Variants in AP1G1 observed in about 807,000 individuals in gnomAD.
AP1G1 encodes adaptor related protein complex 1 subunit gamma 1.
Under a neutral mutation model 108.3 loss-of-function variants are expected in AP1G1, and 7 were observed. The observed-to-expected ratio is 0.06, with a 90% CI of 0.04 to 0.12. AP1G1 has a LOEUF of 0.12. Among genes scored for constraint, AP1G1 ranks in the 10% least tolerant of loss-of-function variants. The pLI is 1.00. For synonymous variants in AP1G1, 379 were observed against 353.5 expected, an observed-to-expected ratio of 1.07 and a Z score of -0.81; for missense variants, 756 against 1,010.7, an observed-to-expected ratio of 0.75 and a Z score of 3.42.
intron 21 of AP1G1, among the ~76,000 whole-genome samples, chr16:71,736,438 T>G (rs1218965682): frequency 6.7e-6 from 1 of 150,026 alleles, no homozygotes; most frequent in Non-Finnish European, 1.5e-5. Flanking sequence ...TGGAGTGCAG[T>G]GGTGCGATCT....
chr16:71,734,740 A>C, intron 21 of AP1G1, 33 bp from the exon 22 acceptor site: 5 of 1,551,172 alleles, frequency 3.2e-6, no homozygotes, highest in Non-Finnish European at 4.5e-6. Context: ...CTTCAGAAAA[A>C]GAATTACACA....
At chr16:71,773,842 C>T (rs535476020) in intron 3 of AP1G1, among the ~76,000 whole-genome samples, 229 of 147,690 alleles carry the variant, frequency 1.6e-3, no homozygotes, top group Non-Finnish European at 2.1e-3. Flanking sequence ...ACTTGGGAGG[C>T]TGAGTAGCTA....
intron 2 of AP1G1, among the ~76,000 whole-genome samples, chr16:71,778,724 T>C (rs1158900127): frequency 1.3e-5 from 2 of 149,486 alleles, no homozygotes; most frequent in African/African-American, 4.9e-5. Context: ...AAGAATGTTA[T>C]CAAAGTTATC....
At chr16:71,797,326 C>T (rs1358733542) in intron 1 of AP1G1, among the ~76,000 whole-genome samples, 1 of 151,940 alleles carries the variant, frequency 6.6e-6, no homozygotes, top group African/African-American at 2.4e-5. Context: ...AGTCTGCTAT[C>T]TTTCAAGTAA....
At chr16:71,739,624 C>T (rs1379973018) in intron 19 of AP1G1, among the ~76,000 whole-genome samples, 1 of 151,664 alleles carries the variant, frequency 6.6e-6, no homozygotes, top group Admixed American at 6.6e-5. Context: ...TGGTGGTGTG[C>T]GCCTGTAGTC....
intron 3 of AP1G1, 122 bp from the exon 4 acceptor site, chr16:71,773,484 G>T: frequency 9.8e-7 from 1 of 1,020,384 alleles, no homozygotes; most frequent in Non-Finnish European, 1.3e-6. Flanking sequence ...AGGATTATTT[G>T]TTGCAGAAAA....
At chr16:71,782,668 A>AATTTT (rs2032068448) in intron 2 of AP1G1, among the ~76,000 whole-genome samples, 1 of 151,814 alleles carries the variant, frequency 6.6e-6, no homozygotes. Context: ...TTGTATTTTT[A>AATTTT]GTAGAGACAG....
intron 9 of AP1G1, among the ~76,000 whole-genome samples, chr16:71,763,197 A>T (rs2031173108): frequency 6.6e-6 from 1 of 152,198 alleles, no homozygotes; most frequent in African/African-American, 2.4e-5. Flanking sequence ...CCTGTCACTA[A>T]AACAAAACAA....
At chr16:71,808,410 C>T (rs550732975) in intron 1 of AP1G1, 226 of 1,098,596 alleles carry the variant, frequency 2.1e-4, no homozygotes, top group Admixed American at 6.6e-4. Flanking sequence ...AGAAGACACG[C>T]GGGGGTGGGG....
At chr16:71,785,698 A>G (rs1421995767) in intron 2 of AP1G1, among the ~76,000 whole-genome samples, 1 of 151,866 alleles carries the variant, frequency 6.6e-6, no homozygotes, top group Admixed American at 6.6e-5. Context: ...TGGCTAACAC[A>G]GTGAAATCCC....
At chr16:71,760,003 C>G (rs1037772500) in intron 10 of AP1G1, among the ~76,000 whole-genome samples, 2 of 151,874 alleles carry the variant, frequency 1.3e-5, no homozygotes, top group Non-Finnish European at 2.9e-5. Flanking sequence ...AAGTATTTAA[C>G]TTAGTATGTT....
At chr16:71,770,576 CAAG>C in intron 5 of AP1G1, among the ~76,000 whole-genome samples, 1 of 152,354 alleles carries the variant, frequency 6.6e-6, no homozygotes, top group South Asian at 2.1e-4. Flanking sequence ...CTCCCAGGTA[CAAG>C]CCATCCTCCC....
At chr16:71,770,447 A>T (rs2031526029) in intron 5 of AP1G1, among the ~76,000 whole-genome samples, 1 of 152,244 alleles carries the variant, frequency 6.6e-6, no homozygotes, top group Non-Finnish European at 1.5e-5. Context: ...AGTACCTAAT[A>T]CAAGCTTCTG....
At chr16:71,765,731 T>C in intron 6 of AP1G1, 147 bp from the exon 7 acceptor site, 3 of 631,514 alleles carry the variant, frequency 4.8e-6, no homozygotes, top group Non-Finnish European at 8.6e-6. Context: ...TGTAGATGTT[T>C]GATAAACTTA....
At position 71,773,319 on chromosome 16, in the gene AP1G1, A is replaced by G; in HGVS notation, c.370T>C (p.Cys124Arg). The change falls in exon 4 of 23, where the codon TGT becomes CGT. Residue 124 changes from cysteine to arginine, a missense_variant. By Grantham distance (180) the Cys-to-Arg change is radical (BLOSUM62 -3). Transcript: ENST00000299980. ...GAGGAGCCCATGCAGCCGAGGGTAC[A>G]AAGTGCTAACCCCTGTACGAATTGC... is the stretch of plus-strand genomic sequence containing the variant. ...STQFVQGLAL[C>R]TLGCMGSSEM... The G allele has an allele frequency of 6.3e-7, 1 of 1,592,032 alleles. No homozygotes were observed. Among genetic ancestry groups the G allele is most frequent in the Non-Finnish European group, 8.5e-7 (1 of 1,173,682 alleles).
intron 1 of AP1G1, among the ~76,000 whole-genome samples, chr16:71,803,074 G>A (rs1455134962): frequency 2.6e-5 from 4 of 151,806 alleles, no homozygotes; most frequent in African/African-American, 9.7e-5. Flanking sequence ...AAGTAGCCAG[G>A]TACAGTGGTG....
Position 71,734,851 on chromosome 16 carries a change from A to G in AP1G1, c.2269-144T>C, listed in dbSNP as rs906120576. 3.4e-5 allele frequency: 22 copies of G among 644,744 alleles called. No homozygotes were observed. In the African/African-American group the frequency reaches 3.4e-4, roughly 10 times the overall value. The allele number at this position is 644,744 out of a possible 1,614,324, so 39.9% of individuals were successfully genotyped here. On this transcript the variant is annotated intron_variant, in intron 21 of 22. Transcript: ENST00000299980. ...GTTTTGCCTACTACTTGTTTTCTAG[A>G]TATCAGGAATTCACAGCACGTGAGT...
At chr16:71,804,408 AT>A (rs71153664) in intron 1 of AP1G1, among the ~76,000 whole-genome samples, 28,631 of 124,536 alleles carry the variant, frequency 0.23, 3,117 homozygotes, top group Middle Eastern at 0.31. Context: ...TGCTCTCTTA[AT>A]TTTTTTTTTT....
chr16:71,745,077 T>C, intron 19 of AP1G1, 67 bp downstream of exon 19: 2 of 1,571,464 alleles, frequency 1.3e-6, no homozygotes, highest in Non-Finnish European at 1.7e-6. Flanking sequence ...AAAGTCTGGG[T>C]TCAGTTTAGT....
Sources: allele counts gnomAD v4.1 joint callset (sites outside exome capture counted in the v4.1 genomes callset), GRCh38; gene constraint gnomAD v4.1.1; transcripts MANE v1.5; gene names NCBI Gene and HGNC (gene_info 2026-07-23, HGNC 2026-07-21).